Variants in MAP6 observed in about 807,000 individuals in gnomAD.
MAP6 encodes microtubule associated protein 6.
In MAP6, 26 loss-of-function variants were observed where a neutral mutation model predicts 42.4. The ratio of observed to expected loss-of-function variants is 0.61; its 90% CI spans 0.45 to 0.85. MAP6 has a LOEUF of 0.85. Ranked by LOEUF, MAP6 falls within the 40% of genes least tolerant of loss-of-function variation. The pLI is 0.00. For missense variants in MAP6, 966 were observed against 1,099.0 expected, an observed-to-expected ratio of 0.88 and a Z score of 1.71; for synonymous variants, 418 against 443.8, an observed-to-expected ratio of 0.94 and a Z score of 0.73.
intron 1 of MAP6, among the ~76,000 whole-genome samples, chr11:75,617,032 G>A (rs1388006851): frequency 6.6e-6 from 1 of 152,190 alleles, no homozygotes; most frequent in Non-Finnish European, 1.5e-5. Context: ...ATCTGGCAAT[G>A]ATAGGTGTCA....
At chr11:75,643,961 C>T (rs1380306724) in intron 1 of MAP6, among the ~76,000 whole-genome samples, 1 of 152,174 alleles carries the variant, frequency 6.6e-6, no homozygotes, top group East Asian at 1.9e-4. Flanking sequence ...GTTTCTGATT[C>T]TATATATACC....
chr11:75,588,168 C>T lies in MAP6; in HGVS notation c.1333G>A (p.Val445Ile), dbSNP rs747455014. 37 of 1,611,928 alleles carry T rather than the reference C, an allele frequency of 2.3e-5. No individual in the cohort carries two copies. The highest frequency in any genetic ancestry group is 3.3e-4 in the Middle Eastern group (2 of 6,070). ...AEAKESLAQP[V>I]SDSSKTQGPV... is the part of the protein sequence containing the mutation. ...CCTTGAGTCTTACTTGAATCACTGACGGGTTGAGCCAGGCTCCTGCAAAGG... is the reference window on the plus strand; with the variant it reads ...CCTTGAGTCTTACTTGAATCACTGATGGGTTGAGCCAGGCTCCTGCAAAGG... The change falls in exon 4 of 4, where the codon GTC becomes ATC. Residue 445 changes from valine to isoleucine, a missense_variant. Physicochemically the swap from Val to Ile is conservative, Grantham distance 29. Transcript: ENST00000304771.
intron 1 of MAP6, among the ~76,000 whole-genome samples, chr11:75,647,347 C>CAAAAAAAAAAAAACCCCACAAAAAAA (rs1943571550): frequency 2.3e-5 from 1 of 44,186 alleles, no homozygotes; most frequent in African/African-American, 8.9e-5. Context: ...CCCACCTGAT[C>CAAAAAAAAAAAAACCCCACAAAAAAA]AAAAAAAAAA....
chr11:75,601,727 G>C (rs1942666353), intron 3 of MAP6, among the ~76,000 whole-genome samples: 2 of 151,620 alleles, frequency 1.3e-5, no homozygotes, highest in South Asian at 4.2e-4. Flanking sequence ...CGTGCACCAG[G>C]CCTCTCCACC....
chr11:75,662,982 G>A (rs1212987026), intron 1 of MAP6, among the ~76,000 whole-genome samples: 1 of 142,594 alleles, frequency 7.0e-6, no homozygotes, highest in Admixed American at 7.1e-5. Context: ...TTTTTTTTGA[G>A]ATGGACTCTC....
Position 75,603,926 on chromosome 11 carries a change from T to C in MAP6, c.1316+1882A>G, listed in dbSNP as rs540937127. ...CAAATCTTGAGAGACTGAACATACA[T>C]TGGCAAATCCTCTGGATACAATTAA... is the stretch of plus-strand genomic sequence containing the variant. On this transcript the variant is annotated intron_variant, in intron 3 of 3. Transcript: ENST00000304771. The C allele has an allele frequency of 1.3e-3, 1,316 of 985,608 alleles. 1 individual carries two copies. Among genetic ancestry groups the C allele is most frequent in the South Asian group, 2.2e-3 (47 of 21,286 alleles). The allele number at this position is 985,608 out of a possible 1,614,324, so 61.1% of individuals were successfully genotyped here. A position where few individuals can be genotyped will look rare whatever the true frequency, so the allele number is the denominator to read the frequency against.
chr11:75,623,160 C>T (rs1417685254), intron 1 of MAP6, among the ~76,000 whole-genome samples: 1 of 151,984 alleles, frequency 6.6e-6, no homozygotes, highest in East Asian at 1.9e-4. Context: ...TACTACTTAG[C>T]AACAAAAAGA....
At chr11:75,630,552 C>T (rs1431130519) in intron 1 of MAP6, among the ~76,000 whole-genome samples, 1 of 152,232 alleles carries the variant, frequency 6.6e-6, no homozygotes, top group African/African-American at 2.4e-5. Flanking sequence ...TAGAATACTA[C>T]AAAAGTCCAG....
At chr11:75,588,963 G>A (rs560666181) in intron 3 of MAP6, among the ~76,000 whole-genome samples, 1 of 152,228 alleles carries the variant, frequency 6.6e-6, no homozygotes, top group East Asian at 1.9e-4. Flanking sequence ...ACTACAGGCA[G>A]CTTTTAGCTT....
intron 1 of MAP6, among the ~76,000 whole-genome samples, chr11:75,611,524 G>A (rs1038615314): frequency 4.6e-5 from 7 of 152,164 alleles, no homozygotes; most frequent in African/African-American, 1.7e-4. Flanking sequence ...TGAGCTGCAG[G>A]ATAGGTTCAC....
chr11:75,587,107 G>A lies in MAP6; in HGVS notation c.2394C>T (p.Val798=), dbSNP rs1183804791. The A allele has an allele frequency of 1.6e-5, 25 of 1,609,128 alleles. No individual in the cohort carries two copies. The highest frequency in any genetic ancestry group is 1.9e-5 in the Non-Finnish European group (22 of 1,176,312). ...CCGTATGGGGGGCAGTTGGGATCATGACTCGGGGTAGAGGTGAGACAGTAG... is the reference window on the plus strand; with the variant it reads ...CCGTATGGGGGGCAGTTGGGATCATAACTCGGGGTAGAGGTGAGACAGTAG... ...QLPTVSPLPR[V]MIPTAPHTEY... is the part of the protein sequence containing the mutation. The change falls in exon 4 of 4, where the codon GTC becomes GTT. Residue 798 remains valine (V), a synonymous_variant. Coordinates refer to ENST00000304771, the MANE Select transcript of MAP6 (RefSeq NM_033063.2).
At chr11:75,619,212 G>A (rs1211327450) in intron 1 of MAP6, among the ~76,000 whole-genome samples, 1 of 152,000 alleles carries the variant, frequency 6.6e-6, no homozygotes, top group African/African-American at 2.4e-5. Flanking sequence ...GGATGTTTTT[G>A]TAAAAAAGAG....
intron 1 of MAP6, among the ~76,000 whole-genome samples, chr11:75,617,758 G>GT (rs950257489): frequency 4.6e-5 from 7 of 152,028 alleles, no homozygotes; most frequent in Non-Finnish European, 7.4e-5. Context: ...GAAGTGATAG[G>GT]TTGTAAGAAA....
At chr11:75,588,319 G>T in intron 3 of MAP6, 135 bp from the exon 4 acceptor site, 1 of 523,212 alleles carries the variant, frequency 1.9e-6, no homozygotes, top group Non-Finnish European at 3.3e-6. Context: ...AGGAGAATAT[G>T]ATTTCTGTGT....
intron 1 of MAP6, among the ~76,000 whole-genome samples, chr11:75,654,061 G>A (rs1175295648): frequency 6.6e-6 from 1 of 152,176 alleles, no homozygotes; most frequent in East Asian, 1.9e-4. Flanking sequence ...AAATAAGATA[G>A]GTAAGATAGT....
intron 1 of MAP6, among the ~76,000 whole-genome samples, chr11:75,658,401 C>CG (rs886126233): frequency 3.8e-5 from 4 of 104,016 alleles, no homozygotes; most frequent in Admixed American, 9.9e-5. Flanking sequence ...TCTCCACCCC[C>CG]CCCGCCCCAG....
chr11:75,665,898 T>C (rs1019603237), intron 1 of MAP6, among the ~76,000 whole-genome samples: 1 of 151,518 alleles, frequency 6.6e-6, no homozygotes, highest in African/African-American at 2.4e-5. Flanking sequence ...AAGTGGGAGG[T>C]GGAATTCAGG....
intron 1 of MAP6, among the ~76,000 whole-genome samples, chr11:75,647,987 A>G (rs970235624): frequency 6.6e-6 from 1 of 152,214 alleles, no homozygotes; most frequent in Non-Finnish European, 1.5e-5. Context: ...AGAGCCCAGA[A>G]ACAGATCCAG....
intron 1 of MAP6, among the ~76,000 whole-genome samples, chr11:75,612,505 G>T (rs192631524): frequency 4.5e-4 from 69 of 152,336 alleles, no homozygotes; most frequent in Non-Finnish European, 7.8e-4. Flanking sequence ...ACAGAAAAGC[G>T]GATGAAGGGA....
Sources: gnomAD v4.1 joint callset for allele counts (sites outside exome capture counted in the v4.1 genomes callset) on GRCh38, gnomAD v4.1.1 for gene constraint, MANE v1.5 for transcripts, NCBI Gene and HGNC (gene_info 2026-07-23, HGNC 2026-07-21) for gene names.